MRAP2: variants seen among roughly 807,000 people sequenced by gnomAD.
The protein encoded by MRAP2 is melanocortin 2 receptor accessory protein 2.
Under a neutral mutation model 17.4 loss-of-function variants are expected in MRAP2, and 20 were observed. The ratio of observed to expected loss-of-function variants is 1.15; its 90% CI spans 0.81 to 1.67. The LOEUF (loss-of-function observed/expected upper bound fraction) is 1.67. MRAP2 is among the 40% of genes most tolerant of loss of function. MRAP2 has a pLI of 0.00. For missense variants in MRAP2, 238 were observed against 240.0 expected, an observed-to-expected ratio of 0.99 and a Z score of 0.05; for synonymous variants, 96 against 88.4, an observed-to-expected ratio of 1.09 and a Z score of -0.48.
the MRAP2 span, among the ~76,000 whole-genome samples, chr6:84,130,361 G>A: frequency 2.7e-4 from 41 of 152,284 alleles, no homozygotes; most frequent in African/African-American, 9.6e-4. Context: ...TCAGGATGAT[G>A]CTGGCCTCAT....
chr6:84,063,911 G>A (rs73483236), intron 3 of MRAP2, among the ~76,000 whole-genome samples: 28,098 of 151,726 alleles, frequency 0.19, 2,623 homozygotes, highest in Middle Eastern at 0.3. Context: ...CTGTTGTGGT[G>A]GAGGGCACCT....
intron 1 of MRAP2, among the ~76,000 whole-genome samples, chr6:84,038,125 G>A (rs1006264325): frequency 4.6e-5 from 7 of 152,196 alleles, no homozygotes; most frequent in African/African-American, 1.4e-4. Context: ...GATGATCTGG[G>A]AGCCAGGTGG....
chr6:84,123,357 C>T, the MRAP2 span, among the ~76,000 whole-genome samples: 1 of 151,294 alleles, frequency 6.6e-6, no homozygotes, highest in Non-Finnish European at 1.5e-5. Context: ...ACTGAAACAG[C>T]ATGGTAGTGG....
At chr6:84,139,998 G>A in the MRAP2 span, among the ~76,000 whole-genome samples, 54,007 of 151,996 alleles carry the variant, frequency 0.36, 13,984 homozygotes, top group African/African-American at 0.74. Context: ...TGGGTCCCCA[G>A]TAAGAAAAAG....
chr6:84,089,817 T>TTG lies in MRAP2; in HGVS notation c.*337_*338insGT, dbSNP rs2099501422. ...TTTATTAAAACATGAGTTTTGTTTTTTTTTTTGCTATTTTTTTTAAAGCTC... is the reference window on the plus strand; with the variant it reads ...TTTATTAAAACATGAGTTTTGTTTTTTGTTTTTTGCTATTTTTTTTAAAGCTC... On this transcript the variant is annotated 3_prime_UTR_variant, in exon 4 of 4. Transcript: ENST00000257776. 4.5e-6 allele frequency: 1 copy of TTG among 223,198 alleles called. No individual in the cohort carries two copies. Among genetic ancestry groups the TTG allele is most frequent in the African/African-American group, 2.3e-5 (1 of 43,302 alleles). 13.8% of individuals were successfully genotyped at this position (223,198 alleles called of 1,614,324 possible). A position where few individuals can be genotyped will look rare whatever the true frequency, so the allele number is the denominator to read the frequency against.
At chr6:84,101,112 T>A in the MRAP2 span, among the ~76,000 whole-genome samples, 7 of 152,240 alleles carry the variant, frequency 4.6e-5, no homozygotes, top group Non-Finnish European at 1.0e-4. Context: ...TATTCATTGT[T>A]CACATCCTCC....
chr6:84,100,285 CAGGGT>C, the MRAP2 span, among the ~76,000 whole-genome samples: 1 of 152,050 alleles, frequency 6.6e-6, no homozygotes, highest in African/African-American at 2.4e-5. Flanking sequence ...GTTTTTGAGA[CAGGGT>C]CTCACTCTGT....
rs1025876582 is a variant in MRAP2 at position 84,046,868 on chromosome 6, T to G, written c.-7-8444T>G. Among the ~76,000 whole-genome samples the G allele has an allele frequency of 8.6e-5, 13 of 150,816 alleles. No individual in the cohort carries two copies. In the East Asian group the frequency reaches 1.2e-3, roughly 14 times the overall value. The stretch of plus-strand genomic sequence containing the variant: ...TGGTCAGGGTGAGAGGACCATGAGC[T>G]GGCAAAGCACACATATTCTCCCACC... On this transcript the variant is annotated intron_variant, in intron 1 of 3. Transcript: ENST00000257776.
the MRAP2 span, among the ~76,000 whole-genome samples, chr6:84,139,540 G>A: frequency 6.6e-6 from 1 of 152,166 alleles, no homozygotes; most frequent in Non-Finnish European, 1.5e-5. Context: ...TTTTGGCAAT[G>A]CAGATGGGAC....
intron 3 of MRAP2, among the ~76,000 whole-genome samples, chr6:84,080,376 C>G (rs2099498671): frequency 6.6e-6 from 1 of 152,150 alleles, no homozygotes; most frequent in Admixed American, 6.5e-5. Context: ...TTGATTCTGA[C>G]AACTTTCACA....
chr6:84,089,756 G>C lies in MRAP2; in HGVS notation c.*275G>C. On this transcript the variant is annotated 3_prime_UTR_variant, in exon 4 of 4. Coordinates refer to ENST00000257776, the MANE Select transcript of MRAP2 (RefSeq NM_138409.4). Reference sequence around the variant, plus strand: ...GTCCAACCCGTGGCATGTGTCCCAGGACAGCTTTGAATGTGGCCCAATACA... The same window carrying C: ...GTCCAACCCGTGGCATGTGTCCCAGCACAGCTTTGAATGTGGCCCAATACA... The C allele has an allele frequency of 2.7e-6, 1 of 369,842 alleles. No individual in the cohort carries two copies. Among genetic ancestry groups the C allele is most frequent in the East Asian group, 4.1e-5 (1 of 24,552 alleles). 22.9% of individuals were successfully genotyped at this position (369,842 alleles called of 1,614,324 possible).
chr6:84,137,691 G>A, the MRAP2 span, among the ~76,000 whole-genome samples: 1 of 152,078 alleles, frequency 6.6e-6, no homozygotes, highest in Non-Finnish European at 1.5e-5. Flanking sequence ...TACAACTGCA[G>A]GGTGTGAAGA....
the MRAP2 span, among the ~76,000 whole-genome samples, chr6:84,116,483 A>C: frequency 6.6e-6 from 1 of 152,136 alleles, no homozygotes; most frequent in Non-Finnish European, 1.5e-5. Flanking sequence ...GAATCCATTA[A>C]ACTTCTTTTT....
intron 1 of MRAP2, among the ~76,000 whole-genome samples, chr6:84,034,309 A>C (rs1159004546): frequency 6.6e-6 from 1 of 151,722 alleles, no homozygotes; most frequent in Non-Finnish European, 1.5e-5. Flanking sequence ...TGGGCTGGGG[A>C]AATGTGCTGG....
In MRAP2 at chr6:84,033,829, G is replaced by GAGGAGCC; in HGVS notation, c.-54_-48dup. ...GCGGCGGCGGCGCTCGCGCACCTCG[G>GAGGAGCC]AGGAGCCAGGAGCCGGAACCAGGGC... On this transcript the variant is annotated 5_prime_UTR_variant, in exon 1 of 4. Transcript: ENST00000257776. The GAGGAGCC allele has an allele frequency of 3.1e-6, 3 of 977,554 alleles. No individual in the cohort carries two copies. Among genetic ancestry groups the GAGGAGCC allele is most frequent in the Non-Finnish European group, 3.6e-6 (3 of 831,118 alleles). The allele number at this position is 977,554 out of a possible 1,614,324, so 60.6% of individuals were successfully genotyped here.
chr6:84,112,582 G>T, the MRAP2 span, among the ~76,000 whole-genome samples: 1 of 152,026 alleles, frequency 6.6e-6, no homozygotes, highest in Admixed American at 6.6e-5. Context: ...TTTTATGAGG[G>T]ATTTTTTATG....
chr6:84,051,102 A>C (rs564520823), intron 1 of MRAP2, among the ~76,000 whole-genome samples: 28 of 152,224 alleles, frequency 1.8e-4, no homozygotes, highest in African/African-American at 6.3e-4. Context: ...ATGGAAAAAA[A>C]GTGTCTAACT....
Position 84,055,313 on chromosome 6 carries a change from TCGGAGATGTC to T in MRAP2, c.-3_7del, listed in dbSNP as rs1473449683. 1 of 1,611,792 alleles carries T rather than the reference TCGGAGATGTC, an allele frequency of 6.2e-7. No homozygotes were observed. Among genetic ancestry groups the T allele is most frequent in the Non-Finnish European group, 8.5e-7 (1 of 1,179,506 alleles). ...GCTTGACTTTCTCCATTTGTGCAGG[TCGGAGATGTC>T]CGCCCAGAGGTTAATTTCTAACAGA... On this transcript the variant is annotated start_lost and splice_region_variant and 5_prime_UTR_variant, in exon 2 of 4. Coordinates refer to ENST00000257776, the MANE Select transcript of MRAP2 (RefSeq NM_138409.4).
At chr6:84,059,067 A>T (rs1032936790) in intron 2 of MRAP2, among the ~76,000 whole-genome samples, 1 of 152,108 alleles carries the variant, frequency 6.6e-6, no homozygotes, top group African/African-American at 2.4e-5. Flanking sequence ...GCTGGGTGAG[A>T]CAGGGTGTTC....
Sources: allele counts gnomAD v4.1 joint callset (sites outside exome capture counted in the v4.1 genomes callset), GRCh38; gene constraint gnomAD v4.1.1; transcripts MANE v1.5; gene names NCBI Gene and HGNC (gene_info 2026-07-23, HGNC 2026-07-21).